Variants in WWP1 observed in about 807,000 individuals in gnomAD.
WWP1 encodes NEDD4-like E3 ubiquitin-protein ligase WWP1.
In WWP1, 49 loss-of-function variants were observed where a neutral mutation model predicts 130.6. The observed-to-expected ratio is 0.38, with a 90% CI of 0.30 to 0.48. WWP1 has a LOEUF of 0.48. WWP1 is among the 20% of genes least tolerant of loss of function. WWP1 has a pLI of 0.99. For missense variants in WWP1, 809 were observed against 1,100.6 expected (o/e 0.74, Z 3.75); for synonymous variants, 332 against 367.8 (o/e 0.90, Z 1.11).
At position 86,342,665 on chromosome 8, in the gene WWP1, C is replaced by G. The variant is rs1260670204; in HGVS notation, c.-380C>G. ...GCGACGCGGCCACGCGGCGCGCTCC[C>G]GAGGAAGGGAGGTGTGGGGTCGGCT... On this transcript the variant is annotated 5_prime_UTR_variant, in exon 1 of 25. Coordinates refer to ENST00000517970, the MANE Select transcript of WWP1 (RefSeq NM_007013.4). The G allele has an allele frequency of 2.7e-5, 7 of 255,820 alleles. No homozygotes were observed. Among genetic ancestry groups the G allele is most frequent in the Non-Finnish European group, 4.0e-5 (6 of 150,588 alleles). 15.8% of individuals were successfully genotyped at this position (255,820 alleles called of 1,614,324 possible). A position where few individuals can be genotyped will look rare whatever the true frequency, so the allele number is the denominator to read the frequency against.
chr8:86,389,704 G>C (rs1417445302), intron 5 of WWP1, among the ~76,000 whole-genome samples: 1 of 151,896 alleles, frequency 6.6e-6, no homozygotes, highest in Non-Finnish European at 1.5e-5. Context: ...CCAGGCAGAC[G>C]GGCTCCTCAC....
At chr8:86,395,643 G>C (rs1200213582) in intron 5 of WWP1, among the ~76,000 whole-genome samples, 1 of 152,060 alleles carries the variant, frequency 6.6e-6, no homozygotes, top group African/African-American at 2.4e-5. Context: ...TTGTTTTTTA[G>C]TCTACCTCCC....
At chr8:86,351,520 T>C (rs1229798308) in intron 1 of WWP1, among the ~76,000 whole-genome samples, 2 of 151,484 alleles carry the variant, frequency 1.3e-5, no homozygotes, top group South Asian at 2.1e-4. Flanking sequence ...TTTTTTTTTT[T>C]AGTAGAGATG....
intron 24 of WWP1, 92 bp downstream of exon 24, chr8:86,461,938 T>A (rs1048234923): frequency 1.3e-5 from 13 of 1,016,862 alleles, no homozygotes; most frequent in Admixed American, 4.2e-5. Flanking sequence ...GTATAACTGC[T>A]TATTCATTAA....
At chr8:86,387,335 A>G (rs1252276951) in intron 5 of WWP1, among the ~76,000 whole-genome samples, 3 of 152,170 alleles carry the variant, frequency 2.0e-5, no homozygotes, top group Non-Finnish European at 4.4e-5. Flanking sequence ...AAAAAGGTAG[A>G]AGGGAGTGCC....
At position 86,468,471 on chromosome 8, in the gene WWP1, T is replaced by C. The variant is rs906636340; in HGVS notation, c.*1578T>C. 2.3e-6 allele frequency: 1 copy of C among 428,220 alleles called. No homozygotes were observed. Among genetic ancestry groups the C allele is most frequent in the African/African-American group, 2.1e-5 (1 of 48,244 alleles). 26.5% of individuals were successfully genotyped at this position (428,220 alleles called of 1,614,324 possible). On this transcript the variant is annotated 3_prime_UTR_variant, in exon 25 of 25. Coordinates refer to ENST00000517970, the MANE Select transcript of WWP1 (RefSeq NM_007013.4). ...CTAATGTATGTGACAGGTTATGTGA[T>C]AGAGGGAAACTGGCCTTCAAAAAGG...
chr8:86,421,861 T>C (rs1809233636), intron 9 of WWP1, among the ~76,000 whole-genome samples: 1 of 152,012 alleles, frequency 6.6e-6, no homozygotes, highest in Non-Finnish European at 1.5e-5. Context: ...AAATTTACCA[T>C]ATTAACAAAT....
chr8:86,459,023 CTTTTTTTTTTTTT>C lies in WWP1; in HGVS notation c.2499+1010_2499+1022del, dbSNP rs71275853. On this transcript the variant is annotated intron_variant, in intron 22 of 24. Transcript: ENST00000517970. ...GTCATTCTTTTTCTTTTTCTTTTTT[CTTTTTTTTTTTTT>C]TTTTTTTTTTTGAGACAGAGTCTCA... 1.2e-4 allele frequency among the ~76,000 whole-genome samples: 10 copies of C among 84,262 alleles called. No homozygotes were observed. In the South Asian group the frequency reaches 1.5e-3, roughly 13 times the overall value. The allele number at this position is 84,262 out of a possible 152,430, so 55.3% of individuals were successfully genotyped here.
chr8:86,394,037 G>A (rs1008132892), intron 5 of WWP1, among the ~76,000 whole-genome samples: 70 of 152,362 alleles, frequency 4.6e-4, no homozygotes, highest in African/African-American at 1.6e-3. Flanking sequence ...CCTGCCAGAT[G>A]TGGATGTGCC....
chr8:86,361,718 C>G (rs912242560), intron 1 of WWP1, among the ~76,000 whole-genome samples: 1 of 152,044 alleles, frequency 6.6e-6, no homozygotes, highest in Admixed American at 6.6e-5. Flanking sequence ...CTCCACAACT[C>G]ATCTCAACTG....
rs36226595 is a variant in WWP1, at chr8:86,430,798, CATATATAT to C, written c.1387+74_1387+81del. ...TCTATAAGGGAGATATATATCTCTCCATATATATATATATATATATATATATATATATA... is the reference window on the plus strand; with the variant it reads ...TCTATAAGGGAGATATATATCTCTCCATATATATATATATATATATATATA... On this transcript the variant is annotated intron_variant, in intron 12 of 24. Transcript: ENST00000517970. 1,468 of 201,562 alleles carry C rather than the reference CATATATAT, an allele frequency of 7.3e-3. 13 individuals carry two copies. Among genetic ancestry groups the C allele is most frequent in the African/African-American group, 0.025 (878 of 34,612 alleles). The allele number at this position is 201,562 out of a possible 1,614,324, so 12.5% of individuals were successfully genotyped here.
At chr8:86,464,489 A>T (rs1056106767) in intron 24 of WWP1, among the ~76,000 whole-genome samples, 3 of 152,048 alleles carry the variant, frequency 2.0e-5, no homozygotes, top group African/African-American at 7.2e-5. Context: ...TATAATTCAT[A>T]TAAATAAAAG....
chr8:86,378,564 T>C (rs1235286999), intron 3 of WWP1, among the ~76,000 whole-genome samples: 1 of 152,120 alleles, frequency 6.6e-6, no homozygotes, highest in Non-Finnish European at 1.5e-5. Flanking sequence ...ACTCATTAAA[T>C]GAGAAAAAAA....
In WWP1 at chr8:86,427,062, C is replaced by T. The variant is rs535851505; in HGVS notation, c.1158-581C>T. 1.5e-4 allele frequency among the ~76,000 whole-genome samples: 23 copies of T among 151,968 alleles called. No homozygotes were observed. The East Asian group carries it at 4.1e-3, about 27-fold the overall frequency. On this transcript the variant is annotated intron_variant, in intron 10 of 24. Transcript: ENST00000517970. ...CCTGTAATCCCAGCTACCCAGGAGGCTGAGGCAGGAAAATCACTTGAACCT... is the reference window on the plus strand; with the variant it reads ...CCTGTAATCCCAGCTACCCAGGAGGTTGAGGCAGGAAAATCACTTGAACCT...
chr8:86,410,342 T>C (rs1304486018), intron 8 of WWP1, among the ~76,000 whole-genome samples: 2 of 152,196 alleles, frequency 1.3e-5, no homozygotes, highest in African/African-American at 4.8e-5. Flanking sequence ...ACCTTTTCCA[T>C]TGCTGCTCTG....
rs1034567385 is a variant in WWP1, at chr8:86,391,466, G to A, written c.335-6876G>A. The stretch of plus-strand genomic sequence containing the variant: ...ACCAGTGTGAGATACTGATATCTGA[G>A]GTATGTTTCACTCAGTCAGCCTCAC... On this transcript the variant is annotated intron_variant, in intron 5 of 24. Coordinates refer to ENST00000517970, the MANE Select transcript of WWP1 (RefSeq NM_007013.4). 1.3e-5 allele frequency among the ~76,000 whole-genome samples: 2 copies of A among 151,912 alleles called. 1 individual carries two copies. Among genetic ancestry groups the A allele is most frequent in the Non-Finnish European group, 2.9e-5 (2 of 68,012 alleles).
At chr8:86,381,185 G>C (rs932609393) in intron 4 of WWP1, among the ~76,000 whole-genome samples, 1 of 152,128 alleles carries the variant, frequency 6.6e-6, no homozygotes, top group African/African-American at 2.4e-5. Context: ...TATAGTAAAA[G>C]TATCATGTAA....
intron 20 of WWP1, among the ~76,000 whole-genome samples, chr8:86,450,961 C>A (rs1458731353): frequency 1.3e-5 from 2 of 151,802 alleles, no homozygotes; most frequent in African/African-American, 4.8e-5. Flanking sequence ...CCTGTAATCC[C>A]AGGACTTTGG....
At position 86,425,108 on chromosome 8, in the gene WWP1, G is replaced by C. The variant is rs1000861010; in HGVS notation, c.1062-115G>C. 4.5e-6 allele frequency: 3 copies of C among 663,790 alleles called. No homozygotes were observed. In the African/African-American group the frequency reaches 5.5e-5, roughly 12 times the overall value. 41.1% of individuals were successfully genotyped at this position (663,790 alleles called of 1,614,324 possible). A position where few individuals can be genotyped will look rare whatever the true frequency, so the allele number is the denominator to read the frequency against. On this transcript the variant is annotated intron_variant, in intron 9 of 24. Transcript: ENST00000517970. ...CCTTTATATATATAGCTGTGTGTGT[G>C]TATAGTCTTTTAATGTAAAGCTTAT... is the stretch of plus-strand genomic sequence containing the variant.
Sources: gnomAD v4.1 joint callset for allele counts (sites outside exome capture counted in the v4.1 genomes callset) on GRCh38, gnomAD v4.1.1 for gene constraint, MANE v1.5 for transcripts, NCBI Gene and HGNC (gene_info 2026-07-23, HGNC 2026-07-21) for gene names.